AFG2A: variants seen among roughly 807,000 people sequenced by gnomAD.
The protein encoded by AFG2A is ATPase family gene 2 protein homolog A.
chr4:123,011,311 T>TA, the AFG2A span, among the ~76,000 whole-genome samples: 4 of 152,250 alleles, frequency 2.6e-5, no homozygotes, highest in Admixed American at 2.6e-4. Context: ...GTAGGCTTTT[T>TA]ATTTCCATGT....
the AFG2A span, among the ~76,000 whole-genome samples, chr4:123,066,866 A>G: frequency 6.6e-6 from 1 of 152,212 alleles, no homozygotes; most frequent in African/African-American, 2.4e-5. Context: ...AATGTGTAAC[A>G]GATTTTCTCT....
chr4:123,080,118 A>G, the AFG2A span, among the ~76,000 whole-genome samples: 2 of 152,110 alleles, frequency 1.3e-5, no homozygotes, highest in African/African-American at 4.8e-5. Context: ...GATACCCGTA[A>G]AATTCATATA....
chr4:123,043,843 C>T, the AFG2A span, among the ~76,000 whole-genome samples: 1 of 152,156 alleles, frequency 6.6e-6, no homozygotes, highest in African/African-American at 2.4e-5. Context: ...CTTTCCTGGG[C>T]ATTTTTGTGC....
the AFG2A span, among the ~76,000 whole-genome samples, chr4:123,089,257 T>TC: frequency 9.9e-5 from 15 of 152,228 alleles, no homozygotes; most frequent in Admixed American, 5.2e-4. Context: ...CATTTAGAGA[T>TC]GCTGATTACC....
the AFG2A span, among the ~76,000 whole-genome samples, chr4:123,150,006 A>G: frequency 6.6e-6 from 1 of 152,104 alleles, no homozygotes; most frequent in Non-Finnish European, 1.5e-5. Context: ...TCACATAAAC[A>G]GAACCAATGA....
chr4:123,224,878 T>G, the AFG2A span, among the ~76,000 whole-genome samples: 21 of 152,278 alleles, frequency 1.4e-4, no homozygotes, highest in Non-Finnish European at 1.5e-5. Context: ...ACCTGTTGTT[T>G]CCTGACTTTA....
At chr4:123,284,623 G>T in the AFG2A span, among the ~76,000 whole-genome samples, 1 of 152,160 alleles carries the variant, frequency 6.6e-6, no homozygotes, top group African/African-American at 2.4e-5. Flanking sequence ...CGAAGTTTTT[G>T]AATAATCATT....
chr4:122,962,773 C>T, the AFG2A span, among the ~76,000 whole-genome samples: 1,695 of 152,218 alleles, frequency 0.011, 44 homozygotes, highest in African/African-American at 0.038. Context: ...TTATCTAATC[C>T]TGTCAGCTCT....
At chr4:123,136,599 G>A in the AFG2A span, among the ~76,000 whole-genome samples, 1 of 151,734 alleles carries the variant, frequency 6.6e-6, no homozygotes, top group Non-Finnish European at 1.5e-5. Context: ...GCGTGAACAC[G>A]AGAGGTGGAG....
chr4:123,309,860 C>T, the AFG2A span, among the ~76,000 whole-genome samples: 1 of 152,146 alleles, frequency 6.6e-6, no homozygotes, highest in East Asian at 1.9e-4. Context: ...ATAGTGTTGC[C>T]CAAAACTTAT....
the AFG2A span, among the ~76,000 whole-genome samples, chr4:123,147,975 AAAG>A: frequency 6.6e-6 from 1 of 152,188 alleles, no homozygotes; most frequent in African/African-American, 2.4e-5. Context: ...ATGATCAGAG[AAAG>A]AAGGAAATTC....
chr4:123,303,315 G>C, the AFG2A span, among the ~76,000 whole-genome samples: 1 of 152,138 alleles, frequency 6.6e-6, no homozygotes, highest in African/African-American at 2.4e-5. Flanking sequence ...CAGCCCAGGA[G>C]TTCAAGACCA....
chr4:122,934,141 T>C, the AFG2A span: 1 of 1,613,920 alleles, frequency 6.2e-7, no homozygotes, highest in Non-Finnish European at 8.5e-7. Context: ...TTGTACATTC[T>C]ATGGACGACC....
the AFG2A span, among the ~76,000 whole-genome samples, chr4:123,016,222 C>G: frequency 1.4e-5 from 2 of 145,574 alleles, no homozygotes; most frequent in Non-Finnish European, 3.0e-5. Flanking sequence ...CTGATCCCCC[C>G]ACCTCCCTCC....
the AFG2A span, chr4:122,934,011 AT>A: frequency 7.2e-7 from 1 of 1,382,968 alleles, no homozygotes; most frequent in Non-Finnish European, 9.7e-7. Context: ...GTCTTTTCAG[AT>A]AATAGATGAA....
At chr4:123,095,838 C>T in the AFG2A span, among the ~76,000 whole-genome samples, 1 of 152,130 alleles carries the variant, frequency 6.6e-6, no homozygotes, top group Admixed American at 6.6e-5. Context: ...TCTTACCCCA[C>T]AACCTCTATG....
chr4:123,030,335 G>A, the AFG2A span, among the ~76,000 whole-genome samples: 167 of 152,180 alleles, frequency 1.1e-3, no homozygotes, highest in African/African-American at 3.9e-3. Context: ...GAATTACTTA[G>A]AAATATATTT....
chr4:123,282,672 T>G, the AFG2A span, among the ~76,000 whole-genome samples: 1 of 152,010 alleles, frequency 6.6e-6, no homozygotes, highest in African/African-American at 2.4e-5. Context: ...GAGACAGGGC[T>G]CTATGACTGG....
At chr4:122,938,776 T>C in the AFG2A span, among the ~76,000 whole-genome samples, 1 of 151,654 alleles carries the variant, frequency 6.6e-6, no homozygotes, top group Non-Finnish European at 1.5e-5. Flanking sequence ...TAAATCTTCT[T>C]AGTAGAGATG....
Sources: allele counts gnomAD v4.1 joint callset (sites outside exome capture counted in the v4.1 genomes callset), GRCh38; gene constraint gnomAD v4.1.1; transcripts MANE v1.5; gene names NCBI Gene and HGNC (gene_info 2026-07-23, HGNC 2026-07-21).